ELOVL6: variants seen among roughly 807,000 people sequenced by gnomAD.
ELOVL6 encodes ELOVL fatty acid elongase 6, also known as very long chain fatty acid elongase 6.
A neutral mutation model predicts 31.7 loss-of-function variants in ELOVL6; 8 were observed. That is an observed-to-expected ratio of 0.25 (90% confidence interval 0.15 to 0.45). The LOEUF is 0.45. Ranked by LOEUF, ELOVL6 falls within the 20% of genes least tolerant of loss-of-function variation. The probability of loss-of-function intolerance (pLI) is 1.00; values close to 1 mark genes in which losing one functional copy is unlikely to be tolerated. For synonymous variants in ELOVL6, 101 were observed against 117.7 expected, an observed-to-expected ratio of 0.86 and a Z score of 0.92; for missense variants, 126 against 326.4, an observed-to-expected ratio of 0.39 and a Z score of 4.73.
intron 2 of ELOVL6, among the ~76,000 whole-genome samples, chr4:110,063,884 C>A (rs1481988234): frequency 6.6e-6 from 1 of 151,830 alleles, no homozygotes; most frequent in African/African-American, 2.4e-5. Flanking sequence ...TCGAGACCAG[C>A]CTGGCCAACA....
rs118033740 is a variant in ELOVL6, at chr4:110,124,232, T to C, written c.90-18604A>G. Among the ~76,000 whole-genome samples the C allele has an allele frequency of 1.9e-3, 285 of 152,342 alleles. 3 individuals are homozygous for C. The East Asian group carries it at 0.037, about 20-fold the overall frequency. ...CAAAGGATTACAAATTATTCTATTA[T>C]AATGAATGTTTGCTTATTGCATACG... On this transcript the variant is annotated intron_variant, in intron 1 of 3. Transcript: ENST00000302274.
chr4:110,051,256 C>T lies in ELOVL6; in HGVS notation c.*82G>A, dbSNP rs1244323537. On this transcript the variant is annotated 3_prime_UTR_variant, in exon 4 of 4. Transcript: ENST00000302274. This position sits in a 1 kb window ranked among gnomAD's most constrained non-coding sequence, Gnocchi z 4.8. Reference sequence around the variant, plus strand: ...GTTTTGTTTTGTTTTAGCTGCACCACGTGTGATTCCTTGTGCCATTTTCTT... The same window carrying T: ...GTTTTGTTTTGTTTTAGCTGCACCATGTGTGATTCCTTGTGCCATTTTCTT... The T allele has an allele frequency of 6.4e-6, 9 of 1,406,962 alleles. No individual in the cohort carries two copies. Among genetic ancestry groups the T allele is most frequent in the East Asian group, 2.3e-5 (1 of 43,620 alleles). 87.2% of individuals were successfully genotyped at this position (1,406,962 alleles called of 1,614,324 possible). A position where few individuals can be genotyped will look rare whatever the true frequency, so the allele number is the denominator to read the frequency against.
At chr4:110,176,037 TAAAAAAAAA>T (rs35412689) in intron 1 of ELOVL6, among the ~76,000 whole-genome samples, 1 of 143,790 alleles carries the variant, frequency 7.0e-6, no homozygotes, top group Non-Finnish European at 1.5e-5. Context: ...AGTGGTGAGT[TAAAAAAAAA>T]AAAAAAGAAC....
chr4:110,162,832 T>A (rs1386825140), intron 1 of ELOVL6, among the ~76,000 whole-genome samples: 1 of 152,206 alleles, frequency 6.6e-6, no homozygotes, highest in Non-Finnish European at 1.5e-5. Flanking sequence ...TTAATAGACA[T>A]TATTTAATTA....
intron 1 of ELOVL6, among the ~76,000 whole-genome samples, chr4:110,177,370 G>A (rs13141857): frequency 0.24 from 36,384 of 152,052 alleles, 5,091 homozygotes; most frequent in East Asian, 0.34. Flanking sequence ...CCAGGAATAT[G>A]AGACTGCAAT....
At position 110,050,061 on chromosome 4, in the gene ELOVL6, G is replaced by C. The variant is rs116534250; in HGVS notation, c.*1277C>G. The C allele has an allele frequency of 0.01, 1,583 of 152,484 alleles. 14 individuals are homozygous for C. The highest frequency in any genetic ancestry group is 0.018 in the Non-Finnish European group (1,232 of 68,014). 9.4% of individuals were successfully genotyped at this position (152,484 alleles called of 1,614,324 possible). A position where few individuals can be genotyped will look rare whatever the true frequency, so the allele number is the denominator to read the frequency against. ...AAATTTGAGGGATAAGTGTATGGGG[G>C]CCCTTTGTTGTCAACTGTTTTCAGC... On this transcript the variant is annotated 3_prime_UTR_variant, in exon 4 of 4. Coordinates refer to ENST00000302274, the MANE Select transcript of ELOVL6 (RefSeq NM_024090.3).
At position 110,173,471 on chromosome 4, in the gene ELOVL6, C is replaced by T. The variant is rs914187123; in HGVS notation, c.89+24776G>A. ...GACCTGATAAGAATGGTTTCCTTTA[C>T]CTGATATTCTAGTTCTGCAAAAGGC... On this transcript the variant is annotated intron_variant, in intron 1 of 3. Transcript: ENST00000302274. Among the ~76,000 whole-genome samples, 4 of 151,732 alleles carry T rather than the reference C, an allele frequency of 2.6e-5. No individual in the cohort carries two copies. In the South Asian group the frequency reaches 8.4e-4, roughly 32 times the overall value.
intron 2 of ELOVL6, among the ~76,000 whole-genome samples, chr4:110,065,210 T>C (rs1755265199): frequency 6.6e-6 from 1 of 152,228 alleles, no homozygotes; most frequent in Non-Finnish European, 1.5e-5. Flanking sequence ...TGTTGGAATT[T>C]TTAGAATAAA....
At position 110,150,817 on chromosome 4, in the gene ELOVL6, C is replaced by T. The variant is rs79872671; in HGVS notation, c.90-45189G>A. On this transcript the variant is annotated intron_variant, in intron 1 of 3. Transcript: ENST00000302274. The stretch of plus-strand genomic sequence containing the variant: ...CAGCACTTTGGGAAGCCGAGGTGGA[C>T]GGATCACCTGAGGTCAGGAGTTTGA... 7.2e-5 allele frequency among the ~76,000 whole-genome samples: 11 copies of T among 152,118 alleles called. No homozygotes were observed. In the East Asian group the frequency reaches 1.7e-3, roughly 24 times the overall value.
intron 1 of ELOVL6, among the ~76,000 whole-genome samples, chr4:110,153,937 G>C (rs927150211): frequency 1.3e-5 from 2 of 152,200 alleles, no homozygotes; most frequent in Admixed American, 1.3e-4. Flanking sequence ...TCATTTGCAA[G>C]GAAACAGGAA....
At chr4:110,139,708 C>A (rs187910030) in intron 1 of ELOVL6, among the ~76,000 whole-genome samples, 9 of 152,270 alleles carry the variant, frequency 5.9e-5, no homozygotes, top group Admixed American at 5.2e-4. Flanking sequence ...ATTTAACCTA[C>A]CCCTGCCTCC....
At chr4:110,198,203 G>C in intron 1 of ELOVL6, 44 bp downstream of exon 1, 1 of 1,204,158 alleles carries the variant, frequency 8.3e-7, no homozygotes. Context: ...CCGGGAAGAC[G>C]CGCAGGGCTC....
intron 1 of ELOVL6, among the ~76,000 whole-genome samples, chr4:110,108,935 T>C (rs923068275): frequency 9.2e-5 from 14 of 152,374 alleles, no homozygotes; most frequent in African/African-American, 3.4e-4. Context: ...CCTCTTTAAC[T>C]GAGTTGTCAT....
intron 2 of ELOVL6, among the ~76,000 whole-genome samples, chr4:110,084,690 G>C (rs1279080047): frequency 7.0e-6 from 1 of 142,622 alleles, no homozygotes; most frequent in East Asian, 2.1e-4. Context: ...CACCTCCCGA[G>C]TTCAAGCAAT....
chr4:110,108,341 A>G (rs1437414085), intron 1 of ELOVL6, among the ~76,000 whole-genome samples: 2 of 152,212 alleles, frequency 1.3e-5, no homozygotes, highest in Admixed American at 6.5e-5. Flanking sequence ...CAATCCTATC[A>G]TTCTAGCCAT....
chr4:110,170,179 C>T (rs564010672), intron 1 of ELOVL6, among the ~76,000 whole-genome samples: 4 of 152,196 alleles, frequency 2.6e-5, no homozygotes, highest in Admixed American at 6.5e-5. Flanking sequence ...TAAGAACATG[C>T]TTTATGATTT....
intron 2 of ELOVL6, among the ~76,000 whole-genome samples, chr4:110,085,101 A>G (rs928787513): frequency 6.6e-6 from 1 of 152,244 alleles, no homozygotes; most frequent in Non-Finnish European, 1.5e-5. Context: ...GTTGAGTTTA[A>G]GATGGGACAT....
intron 2 of ELOVL6, among the ~76,000 whole-genome samples, chr4:110,086,310 A>G (rs773650990): frequency 4.6e-5 from 7 of 152,150 alleles, no homozygotes; most frequent in Admixed American, 1.3e-4. Flanking sequence ...TCATCCCAAA[A>G]TAGGGATGTG....
intron 2 of ELOVL6, among the ~76,000 whole-genome samples, chr4:110,068,923 GC>G (rs922744624): frequency 1.8e-4 from 28 of 152,140 alleles, no homozygotes; most frequent in Admixed American, 5.9e-4. Flanking sequence ...CAGGAGGATT[GC>G]CTAAGCTCAG....
Sources: gnomAD v4.1 joint callset for allele counts (sites outside exome capture counted in the v4.1 genomes callset) on GRCh38, gnomAD v4.1.1 for gene constraint, Gnocchi (gnomAD v3.1) non-coding constraint, MANE v1.5 for transcripts, NCBI Gene and HGNC (gene_info 2026-07-23, HGNC 2026-07-21) for gene names.